Variants in ACTN1 observed in about 807,000 individuals in gnomAD.
ACTN1 encodes the protein actinin alpha 1.
Under a neutral mutation model 119.6 loss-of-function variants are expected in ACTN1, and 30 were observed. That is an observed-to-expected ratio of 0.25 (90% CI 0.19 to 0.34). The LOEUF (loss-of-function observed/expected upper bound fraction) is 0.34, where lower values mean the gene tolerates loss of function less well. Among genes scored for constraint, ACTN1 ranks in the 10% least tolerant of loss-of-function variants. The probability of loss-of-function intolerance (pLI) is 1.00; values close to 1 mark genes in which losing one functional copy is unlikely to be tolerated. For missense variants in ACTN1, 764 were observed against 1,223.4 expected (o/e 0.62, Z 5.60); for synonymous variants, 429 against 472.6 (o/e 0.91, Z 1.20).
At chr14:68,887,123 T>TA (rs1391028928) in intron 11 of ACTN1, 1 of 173,582 alleles carries the variant, frequency 5.8e-6, no homozygotes, top group African/African-American at 2.4e-5. Context: ...CTTTCCAGCT[T>TA]AAAATCGGGA....
chr14:68,921,327 C>G (rs769038967), intron 2 of ACTN1: 4 of 531,168 alleles, frequency 7.5e-6, no homozygotes, highest in Non-Finnish European at 1.2e-5. Context: ...TCTACCCTGC[C>G]TCTTCTTTCT....
intron 6 of ACTN1, among the ~76,000 whole-genome samples, chr14:68,907,373 G>A (rs546309422): frequency 6.6e-6 from 1 of 151,406 alleles, no homozygotes; most frequent in African/African-American, 2.4e-5. Context: ...AGACCAGCCT[G>A]ACCAACATGG....
At chr14:68,962,548 C>T (rs1203468088) in intron 1 of ACTN1, among the ~76,000 whole-genome samples, 2 of 152,228 alleles carry the variant, frequency 1.3e-5, no homozygotes, top group African/African-American at 4.8e-5. Flanking sequence ...CTCCACACCC[C>T]AGCCCTGCCT....
At chr14:68,917,326 A>G (rs1240764361) in intron 3 of ACTN1, among the ~76,000 whole-genome samples, 1 of 151,980 alleles carries the variant, frequency 6.6e-6, no homozygotes, top group Non-Finnish European at 1.5e-5. Flanking sequence ...GAGTCCACCT[A>G]CCTACAGGGT....
At chr14:68,950,206 A>C (rs570403418) in intron 1 of ACTN1, among the ~76,000 whole-genome samples, 19 of 151,574 alleles carry the variant, frequency 1.3e-4, no homozygotes, top group Middle Eastern at 6.8e-3. Context: ...AGGCAGAAGA[A>C]TCACTTGAAC....
chr14:68,974,999 G>A (rs780998413), intron 1 of ACTN1, among the ~76,000 whole-genome samples: 34 of 152,202 alleles, frequency 2.2e-4, no homozygotes, highest in Middle Eastern at 3.2e-3. Context: ...CCAGCCCCAT[G>A]CCTTCCTCGA....
chr14:68,913,397 CT>C lies in ACTN1; in HGVS notation c.341-1156del, dbSNP rs374715747. Among the ~76,000 whole-genome samples, 1,305 of 151,818 alleles carry C rather than the reference CT, an allele frequency of 8.6e-3. 22 individuals are homozygous for C. The highest frequency in any genetic ancestry group is 0.03 in the African/African-American group (1,251 of 41,390). Reference sequence around the variant, plus strand: ...TAAGAGTAAGGTACCCAAAGAATATCTTTTTTTTTCCTACCTGCAACATTAA... The same window carrying C: ...TAAGAGTAAGGTACCCAAAGAATATCTTTTTTTTCCTACCTGCAACATTAA... On this transcript the variant is annotated intron_variant, in intron 3 of 21. Transcript: ENST00000394419.
chr14:68,892,385 G>A, intron 9 of ACTN1, 102 bp from the exon 10 acceptor site: 1 of 1,239,708 alleles, frequency 8.1e-7, no homozygotes, highest in Non-Finnish European at 1.1e-6. Context: ...CATGGGGAAG[G>A]GGTCTCTCCT....
At chr14:68,941,463 G>A (rs902168326) in intron 1 of ACTN1, among the ~76,000 whole-genome samples, 1 of 152,182 alleles carries the variant, frequency 6.6e-6, no homozygotes, top group Non-Finnish European at 1.5e-5. Context: ...GCTAAGAACG[G>A]ATTTGGGCAC....
chr14:68,963,764 C>A (rs779280735), intron 1 of ACTN1, among the ~76,000 whole-genome samples: 4 of 152,240 alleles, frequency 2.6e-5, no homozygotes, highest in Non-Finnish European at 5.9e-5. Context: ...AAGTTCCTAG[C>A]AGTTCACACT....
Position 68,918,740 on chromosome 14 carries a change from A to AG in ACTN1, c.340+2265_340+2266insC, listed in dbSNP as rs1284874158. On this transcript the variant is annotated intron_variant, in intron 3 of 21. Coordinates refer to ENST00000394419, the MANE Select transcript of ACTN1 (RefSeq NM_001130004.2). Reference sequence around the variant, plus strand: ...GAAATCCCATCTCTACTAAAAAAAAAAAAAGAAAAGAAAGTTCTGTCCTGG... The same window carrying AG: ...GAAATCCCATCTCTACTAAAAAAAAAGAAAAGAAAAGAAAGTTCTGTCCTGG... Among the ~76,000 whole-genome samples, 4 of 152,176 alleles carry AG rather than the reference A, an allele frequency of 2.6e-5. No individual in the cohort carries two copies. The East Asian group carries it at 5.8e-4, about 22-fold the overall frequency.
rs764536614 is a variant in ACTN1, at chr14:68,925,721, C to A, written c.106-49G>T. 6.7e-7 allele frequency: 1 copy of A among 1,490,216 alleles called. No individual in the cohort carries two copies. Among genetic ancestry groups the A allele is most frequent in the East Asian group, 2.3e-5 (1 of 43,222 alleles). 92.3% of individuals were successfully genotyped at this position (1,490,216 alleles called of 1,614,324 possible). A position where few individuals can be genotyped will look rare whatever the true frequency, so the allele number is the denominator to read the frequency against. On this transcript the variant is annotated intron_variant, in intron 1 of 21. Coordinates refer to ENST00000394419, the MANE Select transcript of ACTN1 (RefSeq NM_001130004.2). The surrounding 1 kb of genome is among the most constrained non-coding windows in gnomAD (Gnocchi z 4.3). Reference sequence around the variant, plus strand: ...GTGGTCAGGGGGCTGGTGTTGTCACCCTCATTGGACAAGCCATTTAATGGT... The same window carrying A: ...GTGGTCAGGGGGCTGGTGTTGTCACACTCATTGGACAAGCCATTTAATGGT...
At chr14:68,949,378 A>G (rs1030266036) in intron 1 of ACTN1, among the ~76,000 whole-genome samples, 1 of 152,228 alleles carries the variant, frequency 6.6e-6, no homozygotes, top group Non-Finnish European at 1.5e-5. Flanking sequence ...ACAAGATTCC[A>G]AAACTTTTCA....
chr14:68,897,722 C>T (rs988599305), intron 8 of ACTN1, among the ~76,000 whole-genome samples: 2 of 152,224 alleles, frequency 1.3e-5, no homozygotes, highest in African/African-American at 4.8e-5. Context: ...TCCCTCTGTC[C>T]GGAGTCAGCC....
At chr14:68,908,897 A>G (rs1251352648) in intron 6 of ACTN1, among the ~76,000 whole-genome samples, 1 of 152,338 alleles carries the variant, frequency 6.6e-6, no homozygotes, top group African/African-American at 2.4e-5. Flanking sequence ...TGGGTGGGAT[A>G]AGCTGCCCAG....
At chr14:68,932,295 T>C (rs2035256423) in intron 1 of ACTN1, among the ~76,000 whole-genome samples, 1 of 151,460 alleles carries the variant, frequency 6.6e-6, no homozygotes, top group Admixed American at 6.6e-5. Context: ...CCTCCATCTC[T>C]CTCCCGTGCT....
intron 3 of ACTN1, among the ~76,000 whole-genome samples, chr14:68,919,124 T>A (rs753556297): frequency 6.6e-6 from 1 of 152,212 alleles, no homozygotes; most frequent in African/African-American, 2.4e-5. Flanking sequence ...GCAAACAAGT[T>A]ATTTTTTTAA....
chr14:68,937,107 T>C (rs372364394), intron 1 of ACTN1, among the ~76,000 whole-genome samples: 6 of 152,162 alleles, frequency 3.9e-5, no homozygotes, highest in Admixed American at 6.5e-5. Flanking sequence ...CTTTCCTGCA[T>C]GGATTCCTGG....
chr14:68,961,053 GA>G (rs2036520409), intron 1 of ACTN1, among the ~76,000 whole-genome samples: 1 of 152,192 alleles, frequency 6.6e-6, no homozygotes, highest in Admixed American at 6.5e-5. Flanking sequence ...CTGGGTAACA[GA>G]GTGAGACCCT....
Sources: gnomAD v4.1 joint callset for allele counts (sites outside exome capture counted in the v4.1 genomes callset) on GRCh38, gnomAD v4.1.1 for gene constraint, Gnocchi (gnomAD v3.1) non-coding constraint, MANE v1.5 for transcripts, NCBI Gene and HGNC (gene_info 2026-07-23, HGNC 2026-07-21) for gene names.